Variants in GRIK1 observed in about 807,000 individuals in gnomAD.
GRIK1 encodes the protein glutamate ionotropic receptor kainate type subunit 1, also known as glutamate receptor ionotropic, kainate 1.
A neutral mutation model predicts 105.7 loss-of-function variants in GRIK1; 69 were observed. The ratio of observed to expected loss-of-function variants is 0.65; its 90% CI spans 0.54 to 0.80. The LOEUF (loss-of-function observed/expected upper bound fraction) is 0.80. Among genes scored for constraint, GRIK1 ranks in the 30% least tolerant of loss-of-function variants. GRIK1 has a pLI of 0.00. For synonymous variants in GRIK1, 438 were observed against 431.3 expected (o/e 1.02, Z -0.19); for missense variants, 1,109 against 1,167.3 (o/e 0.95, Z 0.73).
intron 2 of GRIK1, among the ~76,000 whole-genome samples, chr21:29,692,475 T>G (rs1382962919): frequency 2.0e-5 from 3 of 152,240 alleles, no homozygotes; most frequent in Non-Finnish European, 4.4e-5. Context: ...CCATAGACAA[T>G]TTTGACCCAT....
chr21:29,805,527 A>G (rs536626803), intron 1 of GRIK1, among the ~76,000 whole-genome samples: 4 of 152,160 alleles, frequency 2.6e-5, no homozygotes, highest in Non-Finnish European at 5.9e-5. Context: ...GAAGACTAAG[A>G]AGAAATTGTT....
At chr21:29,915,104 G>A (rs2070948640) in intron 1 of GRIK1, among the ~76,000 whole-genome samples, 1 of 151,966 alleles carries the variant, frequency 6.6e-6, no homozygotes. Context: ...TTTAGTGATA[G>A]AAAATTCTTC....
Position 29,545,633 on chromosome 21 carries a change from G to A in GRIK1, c.2608-7749C>T, listed in dbSNP as rs373826987. On this transcript the variant is annotated intron_variant, in intron 16 of 17. Transcript: ENST00000327783. ...AGGGTGTTAGTTGTCCACAGTGCAC[G>A]TATGCACTACACGCATAGCTTTCAG... is the stretch of plus-strand genomic sequence containing the variant. 5.9e-5 allele frequency among the ~76,000 whole-genome samples: 9 copies of A among 151,988 alleles called. 1 individual carries two copies. The South Asian group carries it at 1.2e-3, about 21-fold the overall frequency.
intron 16 of GRIK1, among the ~76,000 whole-genome samples, chr21:29,540,126 C>T (rs1305666968): frequency 6.6e-6 from 1 of 152,172 alleles, no homozygotes; most frequent in Non-Finnish European, 1.5e-5. Flanking sequence ...CTCATTGAAA[C>T]CTCTTTTCCC....
At chr21:29,849,561 T>G (rs1488938673) in intron 1 of GRIK1, among the ~76,000 whole-genome samples, 1 of 152,152 alleles carries the variant, frequency 6.6e-6, no homozygotes, top group Non-Finnish European at 1.5e-5. Context: ...TAAGGATAAG[T>G]GTAGAGTGAT....
intron 1 of GRIK1, among the ~76,000 whole-genome samples, chr21:29,757,939 G>C (rs2065393445): frequency 6.6e-6 from 1 of 152,230 alleles, no homozygotes; most frequent in South Asian, 2.1e-4. Flanking sequence ...GATTGCATTA[G>C]ACAGCGTAGG....
intron 1 of GRIK1, among the ~76,000 whole-genome samples, chr21:29,770,422 A>T (rs2065785700): frequency 1.3e-5 from 2 of 152,300 alleles, no homozygotes; most frequent in African/African-American, 4.8e-5. Flanking sequence ...GATGACTCCA[A>T]CAATGACCCT....
intron 1 of GRIK1, among the ~76,000 whole-genome samples, chr21:29,813,945 A>C (rs2067080950): frequency 1.5e-5 from 2 of 135,294 alleles, no homozygotes; most frequent in Admixed American, 7.8e-5. Context: ...ATGGAATTTC[A>C]CTCTTATTGC....
At chr21:29,546,010 G>A (rs1235020358) in intron 16 of GRIK1, among the ~76,000 whole-genome samples, 3 of 152,166 alleles carry the variant, frequency 2.0e-5, no homozygotes, top group Admixed American at 6.5e-5. Context: ...GCTGGGATAA[G>A]GAGAAGTGTC....
In GRIK1 at chr21:29,560,471, TTCTC is replaced by T. The variant is rs202152771; in HGVS notation, c.2356+1149_2356+1152del. Among the ~76,000 whole-genome samples, 34 of 121,398 alleles carry T rather than the reference TTCTC, an allele frequency of 2.8e-4. 3 individuals are homozygous for T. The highest frequency in any genetic ancestry group is 1.2e-3 in the African/African-American group (29 of 23,612). The allele number at this position is 121,398 out of a possible 152,430, so 79.6% of individuals were successfully genotyped here. On this transcript the variant is annotated intron_variant, in intron 15 of 17. Coordinates refer to ENST00000327783, the MANE Select transcript of GRIK1 (RefSeq NM_001330994.2). ...TCTCCCTTTCTTTCCTTCCTTTCCT[TTCTC>T]TCTCTCCCTTTCTTTCTTTCTTTCC...
At chr21:29,658,454 G>T (rs971760190) in intron 4 of GRIK1, among the ~76,000 whole-genome samples, 3 of 151,992 alleles carry the variant, frequency 2.0e-5, no homozygotes, top group African/African-American at 7.2e-5. Context: ...GTAGAGATGG[G>T]GTTTTACCAT....
intron 15 of GRIK1, among the ~76,000 whole-genome samples, chr21:29,560,328 T>C (rs1173725127): frequency 1.6e-5 from 2 of 123,460 alleles, no homozygotes; most frequent in Non-Finnish European, 3.3e-5. Context: ...TCTTTCTTTC[T>C]TTCTTTCTTT....
chr21:29,888,565 C>A (rs113941046), intron 1 of GRIK1, among the ~76,000 whole-genome samples: 1 of 151,788 alleles, frequency 6.6e-6, no homozygotes, highest in Non-Finnish European at 1.5e-5. Context: ...GCCATTCACC[C>A]GGCCTAGCCC....
At position 29,730,314 on chromosome 21, in the gene GRIK1, G is replaced by A. The variant is rs2146894269; in HGVS notation, c.119-36251C>T. Among the ~76,000 whole-genome samples the A allele has an allele frequency of 2.0e-5, 3 of 152,260 alleles. 1 individual carries two copies. The South Asian group carries it at 6.2e-4, about 32-fold the overall frequency. ...TATCTGTTGAATTCCCTTCTGAGAG[G>A]TAGGTATTTTAGAATATGCATGCAA... On this transcript the variant is annotated intron_variant, in intron 1 of 17. Coordinates refer to ENST00000327783, the MANE Select transcript of GRIK1 (RefSeq NM_001330994.2).
At chr21:29,936,956 C>T (rs1267160193) in intron 1 of GRIK1, among the ~76,000 whole-genome samples, 4 of 152,162 alleles carry the variant, frequency 2.6e-5, no homozygotes, top group Non-Finnish European at 5.9e-5. Flanking sequence ...AGTTAATAAT[C>T]TAGAGACCCT....
At chr21:29,828,977 G>A (rs1342236450) in intron 1 of GRIK1, among the ~76,000 whole-genome samples, 1 of 152,102 alleles carries the variant, frequency 6.6e-6, no homozygotes, top group African/African-American at 2.4e-5. Flanking sequence ...TCTTCTAACT[G>A]TAATAGTCTT....
chr21:29,681,299 C>T (rs184553185), intron 3 of GRIK1, among the ~76,000 whole-genome samples: 3 of 152,336 alleles, frequency 2.0e-5, no homozygotes, highest in East Asian at 1.9e-4. Flanking sequence ...AACTCTTCCA[C>T]GGCTTCCCAT....
At chr21:29,612,118 C>T (rs2061742725) in intron 7 of GRIK1, among the ~76,000 whole-genome samples, 1 of 152,202 alleles carries the variant, frequency 6.6e-6, no homozygotes, top group Non-Finnish European at 1.5e-5. Context: ...TTGTGCAGTC[C>T]TCTTTGCAAG....
In GRIK1 at chr21:29,643,974, C is replaced by T. The variant is rs188070849; in HGVS notation, c.955-1005G>A. ...ACATACACAATCATAGTGAGAAATC[C>T]CAGAGATGTCACTACTTCTGCTTAT... is the stretch of plus-strand genomic sequence containing the variant. On this transcript the variant is annotated intron_variant, in intron 6 of 17. Transcript: ENST00000327783. 9.2e-5 allele frequency among the ~76,000 whole-genome samples: 14 copies of T among 152,004 alleles called. No homozygotes were observed. In the East Asian group the frequency reaches 2.7e-3, roughly 29 times the overall value.
Sources: allele counts gnomAD v4.1 joint callset (sites outside exome capture counted in the v4.1 genomes callset), GRCh38; gene constraint gnomAD v4.1.1; transcripts MANE v1.5; gene names NCBI Gene and HGNC (gene_info 2026-07-23, HGNC 2026-07-21).